ATP1A2: variants seen among roughly 807,000 people sequenced by gnomAD.
The protein encoded by ATP1A2 is sodium/potassium-transporting ATPase subunit alpha-2.
In ATP1A2, 56 loss-of-function variants were observed where a neutral mutation model predicts 113.1. That is an observed-to-expected ratio of 0.49 (90% confidence interval 0.40 to 0.62). The LOEUF is 0.62. ATP1A2 is among the 20% of genes least tolerant of loss of function. The probability of loss-of-function intolerance (pLI) is 0.00; values close to 1 mark genes in which losing one functional copy is unlikely to be tolerated. For missense variants in ATP1A2, 712 were observed against 1,357.8 expected, an observed-to-expected ratio of 0.52 and a Z score of 7.47; for synonymous variants, 490 against 526.8, an observed-to-expected ratio of 0.93 and a Z score of 0.96.
rs1651922452 is a variant in ATP1A2, at chr1:160,135,939, C to T, written c.2385C>T (p.Ile795=). Residue 795 remains isoleucine (I), a synonymous_variant, in exon 17 of 23, where the codon ATC becomes ATT. Transcript: ENST00000361216. The surrounding 1 kb of genome is among the most constrained non-coding windows in gnomAD (Gnocchi z 6.3). ...TPFLLFIIAN[I]PLPLGTVTIL... is the part of the protein sequence containing the mutation. ...TCCTGCTGTTCATCATTGCCAACAT[C>T]CCCCTACCTCTGGGCACTGTGACCA... The T allele has an allele frequency of 6.2e-7, 1 of 1,614,084 alleles. No individual in the cohort carries two copies. The highest frequency in any genetic ancestry group is 8.5e-7 in the Non-Finnish European group (1 of 1,180,020).
intron 4 of ATP1A2, 23 bp downstream of exon 4, chr1:160,123,439 G>A: frequency 3.7e-6 from 6 of 1,613,992 alleles, no homozygotes; most frequent in Non-Finnish European, 5.1e-6. Context: ...GCCCGACCCG[G>A]GAACAGCCCG....
rs759632364 is a variant in ATP1A2, at chr1:160,130,369, G to T, written c.1652-53G>T. The T allele has an allele frequency of 1.4e-5, 23 of 1,614,120 alleles. No homozygotes were observed. In the South Asian group the frequency reaches 1.5e-4, roughly 11 times the overall value. On this transcript the variant is annotated intron_variant, in intron 12 of 22. Coordinates refer to ENST00000361216, the MANE Select transcript of ATP1A2 (RefSeq NM_000702.4). ...ATCCCTGGGGTGGGGGACTGTGGGG[G>T]CGTCCAGGAAGCCACTCTGCGGATC...
rs1259879948 is a variant in ATP1A2, at chr1:160,134,601, A to T, written c.1945A>T (p.Met649Leu). 16 of 1,614,050 alleles carry T rather than the reference A, an allele frequency of 9.9e-6. No individual in the cohort carries two copies. The East Asian group carries it at 3.6e-4, about 36-fold the overall frequency. Residue 649 changes from methionine (M) to leucine (L), a missense_variant, in exon 14 of 23, where the codon ATG becomes TTG. Around this residue, in one of 6 missense-constraint regions of ATP1A2, gnomAD observed 263 missense variants for 380.6 expected, o/e 0.69. Transcript: ENST00000361216. ...EDIAARLNIP[M>L]SQVNPREAKA... ...CATTGCAGCCCGGCTCAACATTCCC[A>T]TGAGTCAAGTCAACCCCAGGTGAGG...
In ATP1A2 at chr1:160,139,955, G is replaced by A. The variant is rs757310141; in HGVS notation, c.3005G>A (p.Arg1002Gln). 6.2e-7 allele frequency: 1 copy of A among 1,613,936 alleles called. No homozygotes were observed. Among genetic ancestry groups the A allele is most frequent in the South Asian group, 1.1e-5 (1 of 91,066 alleles). Residue 1002 changes from arginine (R) to glutamine (Q), a missense_variant, in exon 22 of 23, where the codon CGA (arginine) becomes CAA (glutamine). Arg to Gln is a conservative substitution (Grantham distance 43). This residue lies in a region of ATP1A2 where 188 missense variants were observed against 438.9 expected (regional missense o/e 0.43). Coordinates refer to ENST00000361216, the MANE Select transcript of ATP1A2 (RefSeq NM_000702.4). Reference sequence around the variant, plus strand: ...CTCATCTTCATCTATGATGAGGTCCGAAAGCTCATCCTGCGGCGGTATCCT... The same window carrying A: ...CTCATCTTCATCTATGATGAGGTCCAAAAGCTCATCCTGCGGCGGTATCCT... ...SLLIFIYDEV[R>Q]KLILRRYPGG...
In ATP1A2 at chr1:160,115,847, C is replaced by A; in HGVS notation, c.-15C>A. On this transcript the variant is annotated 5_prime_UTR_variant, in exon 1 of 23. Coordinates refer to ENST00000361216, the MANE Select transcript of ATP1A2 (RefSeq NM_000702.4). ...GACCTCTCCCGCTAAGGTCCCTCAG[C>A]CACTCTGCCCCAAGATGGGCCGTGG... 6.3e-7 allele frequency: 1 copy of A among 1,596,200 alleles called. No individual in the cohort carries two copies. The highest frequency in any genetic ancestry group is 8.5e-7 in the Non-Finnish European group (1 of 1,171,606).
At chr1:160,121,319 G>A in intron 3 of ATP1A2, 68 bp downstream of exon 3, 1 of 1,574,784 alleles carries the variant, frequency 6.4e-7, no homozygotes, top group Non-Finnish European at 8.7e-7. Context: ...AAGGTGGCAG[G>A]AGCCTTAAAA....
At chr1:160,131,777 G>A (rs573074549) in intron 13 of ATP1A2, among the ~76,000 whole-genome samples, 1 of 151,834 alleles carries the variant, frequency 6.6e-6, no homozygotes, top group East Asian at 1.9e-4. Flanking sequence ...GTTGCAGTGA[G>A]CCGAGATTAG....
At chr1:160,137,605 G>A (rs1178577373) in intron 20 of ATP1A2, among the ~76,000 whole-genome samples, 4 of 152,142 alleles carry the variant, frequency 2.6e-5, no homozygotes, top group African/African-American at 9.7e-5. Flanking sequence ...AGATGGTAAG[G>A]GTTCACCAGA....
At position 160,129,114 on chromosome 1, in the gene ATP1A2, G is replaced by A. The variant is rs544710713; in HGVS notation, c.1326+25G>A. On this transcript the variant is annotated intron_variant, in intron 10 of 22. Transcript: ENST00000361216. ...GGTAGGGGGTCAGGACACACACCAG[G>A]TATGTTTTGGGGGTGTCTCCAAAGC... 20 of 1,582,808 alleles carry A rather than the reference G, an allele frequency of 1.3e-5. No individual in the cohort carries two copies. The South Asian group carries it at 1.9e-4, about 15-fold the overall frequency.
intron 3 of ATP1A2, among the ~76,000 whole-genome samples, chr1:160,122,217 G>A (rs962747584): frequency 2.0e-5 from 3 of 152,078 alleles, no homozygotes; most frequent in African/African-American, 7.2e-5. Context: ...AAAATTCTAT[G>A]CCCCTATTCC....
In ATP1A2 at chr1:160,123,422, C is replaced by T. The variant is rs771226566; in HGVS notation, c.381+6C>T. ...ATGAACCATCCAACGACAATGTGAG[C>T]CCACACGCCCGACCCGGGAACAGCC... On this transcript the variant is annotated splice_donor_region_variant and intron_variant, in intron 4 of 22. Transcript: ENST00000361216. 4 of 1,614,034 alleles carry T rather than the reference C, an allele frequency of 2.5e-6. No homozygotes were observed. The African/African-American group carries it at 5.3e-5, about 22-fold the overall frequency.
intron 20 of ATP1A2, chr1:160,137,321 C>T: frequency 2.2e-6 from 1 of 454,534 alleles, no homozygotes; most frequent in Non-Finnish European, 4.1e-6. Context: ...TATCCTTTGC[C>T]CAGCCCTAAA....
At chr1:160,116,302 C>T (rs1216189292) in intron 1 of ATP1A2, among the ~76,000 whole-genome samples, 1 of 152,198 alleles carries the variant, frequency 6.6e-6, no homozygotes, top group Middle Eastern at 3.2e-3. Context: ...GCCTGAGAGG[C>T]TGGGGGTCCA....
chr1:160,137,187 A>T (rs1244910394), intron 20 of ATP1A2, 156 bp downstream of exon 20: 9 of 1,248,970 alleles, frequency 7.2e-6, no homozygotes, highest in Non-Finnish European at 9.0e-6. Context: ...GGTTTCATAT[A>T]GAAGAGAGAA....
At chr1:160,123,505 G>A (rs1431007999) in intron 4 of ATP1A2, 89 bp downstream of exon 4, 14 of 1,531,922 alleles carry the variant, frequency 9.1e-6, no homozygotes, top group South Asian at 5.6e-5. Flanking sequence ...AGGGAACAAG[G>A]CCCTCACATA....
Position 160,129,051 on chromosome 1 carries a change from GTCT to G in ATP1A2, c.1291_1293del (p.Phe431del). ...AATTGCTGGTCTCTGCAACCGCGCC[GTCT>G]TCAAGGCAGGACAGGAGAACATCTC... On this transcript the variant is annotated inframe_deletion, in exon 10 of 23. Transcript: ENST00000361216. The G allele has an allele frequency of 6.2e-7, 1 of 1,613,124 alleles. No individual in the cohort carries two copies. Among genetic ancestry groups the G allele is most frequent in the Non-Finnish European group, 8.5e-7 (1 of 1,179,492 alleles).
rs1489318419 is a variant in ATP1A2 at position 160,142,379 on chromosome 1, C to T, written c.*1057C>T. ...CCAAGCCAACCCTGGAAAAGGAGTT[C>T]GCTGGCCATTGGCTAGAATCAGGGT... On this transcript the variant is annotated 3_prime_UTR_variant, in exon 23 of 23. Coordinates refer to ENST00000361216, the MANE Select transcript of ATP1A2 (RefSeq NM_000702.4). 1.3e-5 allele frequency: 2 copies of T among 152,192 alleles called. No homozygotes were observed. Among genetic ancestry groups the T allele is most frequent in the African/African-American group, 2.4e-5 (1 of 41,448 alleles). The allele number at this position is 152,192 out of a possible 1,614,324, so 9.4% of individuals were successfully genotyped here.
chr1:160,126,212 A>G (rs1293272620), intron 7 of ATP1A2, among the ~76,000 whole-genome samples: 1 of 152,236 alleles, frequency 6.6e-6, no homozygotes, highest in Non-Finnish European at 1.5e-5. Flanking sequence ...ATGAAATCGC[A>G]TAATATTTGC....
intron 20 of ATP1A2, among the ~76,000 whole-genome samples, chr1:160,138,872 G>T (rs10797060): frequency 0.72 from 109,585 of 151,902 alleles, 39,765 homozygotes; most frequent in South Asian, 0.77. Context: ...ACATTTTCCA[G>T]GTCTGTCACT....
Sources: gnomAD v4.1 joint callset for allele counts (sites outside exome capture counted in the v4.1 genomes callset) on GRCh38, gnomAD v4.1.1 for gene constraint, gnomAD v4.1.1 regional missense constraint, Gnocchi (gnomAD v3.1) non-coding constraint, MANE v1.5 for transcripts, NCBI Gene and HGNC (gene_info 2026-07-23, HGNC 2026-07-21) for gene names.